The following PRKG2 variants were observed in gnomAD, a reference collection of about 807,000 sequenced individuals.
PRKG2 encodes the protein protein kinase cGMP-dependent 2, also known as cGMP-dependent protein kinase 2.
Under a neutral mutation model 97.2 loss-of-function variants are expected in PRKG2, and 33 were observed. The ratio of observed to expected loss-of-function variants is 0.34; its 90% CI spans 0.26 to 0.45. The LOEUF (loss-of-function observed/expected upper bound fraction) is 0.45. PRKG2 is among the 20% of genes least tolerant of loss of function. The probability of loss-of-function intolerance (pLI) is 1.00; values close to 1 mark genes in which losing one functional copy is unlikely to be tolerated. For synonymous variants in PRKG2, 330 were observed against 321.8 expected (o/e 1.03, Z -0.27); for missense variants, 638 against 900.0 (o/e 0.71, Z 3.73).
intron 11 of PRKG2, among the ~76,000 whole-genome samples, chr4:81,141,345 T>C (rs1182572347): frequency 6.6e-6 from 1 of 152,182 alleles, no homozygotes; most frequent in Non-Finnish European, 1.5e-5. Context: ...ATATGGTAAC[T>C]GCAAATCACA....
chr4:81,192,951 A>C (rs1752669800), intron 2 of PRKG2: 1 of 152,218 alleles, frequency 6.6e-6, no homozygotes, highest in African/African-American at 2.4e-5. Flanking sequence ...AACTTGGCAA[A>C]GTTCACCTAC....
chr4:81,095,737 T>C (rs1355443336), intron 17 of PRKG2, among the ~76,000 whole-genome samples: 1 of 152,228 alleles, frequency 6.6e-6, no homozygotes, highest in Non-Finnish European at 1.5e-5. Context: ...TGCTTCTTCA[T>C]TTCAGAAGAC....
chr4:81,183,656 C>T lies in PRKG2; in HGVS notation c.462-8697G>A, dbSNP rs555779392. On this transcript the variant is annotated intron_variant, in intron 2 of 18. Coordinates refer to ENST00000264399, the MANE Select transcript of PRKG2 (RefSeq NM_006259.3). Reference sequence around the variant, plus strand: ...CCAGAAAGACAGAATCGTTCACTCCCCTGAAAAGGGGGCTGAAGCCAGGGA... The same window carrying T: ...CCAGAAAGACAGAATCGTTCACTCCTCTGAAAAGGGGGCTGAAGCCAGGGA... Among the ~76,000 whole-genome samples the T allele has an allele frequency of 5.9e-5, 9 of 152,096 alleles. No individual in the cohort carries two copies. In the East Asian group the frequency reaches 9.7e-4, roughly 16 times the overall value.
At chr4:81,091,848 G>A (rs560013154) in intron 18 of PRKG2, among the ~76,000 whole-genome samples, 18 of 152,082 alleles carry the variant, frequency 1.2e-4, no homozygotes, top group Non-Finnish European at 2.2e-4. Context: ...TTAGCAACAC[G>A]AAGTGACTGA....
intron 2 of PRKG2, among the ~76,000 whole-genome samples, chr4:81,200,733 T>C (rs2110124966): frequency 6.6e-6 from 1 of 152,294 alleles, no homozygotes; most frequent in East Asian, 1.9e-4. Flanking sequence ...TCTGTAAGGT[T>C]CCTATGGCTC....
intron 12 of PRKG2, 82 bp downstream of exon 12, chr4:81,140,451 A>T (rs1747167721): frequency 8.0e-7 from 1 of 1,247,658 alleles, no homozygotes; most frequent in East Asian, 2.8e-5. Flanking sequence ...AAAATTAAAA[A>T]TAAAAATAAA....
chr4:81,146,195 G>A (rs1172130179), intron 9 of PRKG2, among the ~76,000 whole-genome samples: 1 of 152,142 alleles, frequency 6.6e-6, no homozygotes, highest in Non-Finnish European at 1.5e-5. Flanking sequence ...TAAACTAACT[G>A]CAGTATTACT....
intron 8 of PRKG2, among the ~76,000 whole-genome samples, chr4:81,150,020 A>T (rs1315813440): frequency 6.6e-6 from 1 of 152,072 alleles, no homozygotes; most frequent in Non-Finnish European, 1.5e-5. Flanking sequence ...CAGTGAAAAC[A>T]CTTCAGTTTC....
intron 2 of PRKG2, among the ~76,000 whole-genome samples, chr4:81,195,634 T>A (rs143725974): frequency 6.6e-6 from 1 of 152,204 alleles, no homozygotes; most frequent in East Asian, 1.9e-4. Context: ...ATAAATGGAA[T>A]CCTGCATTTG....
chr4:81,192,310 T>A (rs1390795056), intron 2 of PRKG2: 1 of 152,148 alleles, frequency 6.6e-6, no homozygotes, highest in South Asian at 2.1e-4. Flanking sequence ...GGGAAGATAA[T>A]GGGTAGAAAT....
At chr4:81,149,404 T>C (rs1465720243) in intron 8 of PRKG2, among the ~76,000 whole-genome samples, 1 of 152,188 alleles carries the variant, frequency 6.6e-6, no homozygotes, top group East Asian at 1.9e-4. Context: ...TTCAGTGCCA[T>C]ATCACCCAAT....
intron 2 of PRKG2, among the ~76,000 whole-genome samples, chr4:81,179,310 G>GA (rs1751206028): frequency 6.6e-6 from 1 of 151,394 alleles, no homozygotes; most frequent in Non-Finnish European, 1.5e-5. Context: ...AAAGCAGCTA[G>GA]AAAAAAAAGG....
chr4:81,102,585 A>G (rs1309765165), intron 17 of PRKG2, among the ~76,000 whole-genome samples: 1 of 152,190 alleles, frequency 6.6e-6, no homozygotes, highest in African/African-American at 2.4e-5. Flanking sequence ...AGCACAGAAC[A>G]TTAGAATAGT....
chr4:81,157,654 T>C (rs558086839), intron 6 of PRKG2, among the ~76,000 whole-genome samples: 90 of 152,164 alleles, frequency 5.9e-4, no homozygotes, highest in African/African-American at 2.1e-3. Flanking sequence ...CCAATATCCT[T>C]GAAGAACATT....
chr4:81,166,358 A>G (rs1043486486), intron 6 of PRKG2, among the ~76,000 whole-genome samples: 2 of 151,944 alleles, frequency 1.3e-5, no homozygotes, highest in Non-Finnish European at 2.9e-5. Context: ...CTTAAATTCT[A>G]TATGTGACTC....
At chr4:81,178,712 A>G (rs1578476718) in intron 2 of PRKG2, among the ~76,000 whole-genome samples, 1 of 152,010 alleles carries the variant, frequency 6.6e-6, no homozygotes, top group Admixed American at 6.6e-5. Flanking sequence ...AAAACTAAAA[A>G]TCAAAACATA....
chr4:81,115,739 A>G (rs1560548802), intron 14 of PRKG2, among the ~76,000 whole-genome samples: 1 of 152,220 alleles, frequency 6.6e-6, no homozygotes, highest in Non-Finnish European at 1.5e-5. Context: ...GGTCACAACT[A>G]ACCAGAAAGA....
intron 2 of PRKG2, among the ~76,000 whole-genome samples, chr4:81,189,095 A>AAAAAAAAAG (rs1752231830): frequency 8.8e-6 from 1 of 113,366 alleles, no homozygotes; most frequent in Admixed American, 8.2e-5. Context: ...AAAAAAAAGA[A>AAAAAAAAAG]GCTAGCAATT....
intron 15 of PRKG2, 47 bp from the exon 16 acceptor site, chr4:81,105,982 A>C: frequency 1.9e-6 from 3 of 1,564,920 alleles, no homozygotes; most frequent in Non-Finnish European, 2.6e-6. Context: ...ACAGGGTCTG[A>C]GATCACATTT....
Sources: gnomAD v4.1 joint callset for allele counts (sites outside exome capture counted in the v4.1 genomes callset) on GRCh38, gnomAD v4.1.1 for gene constraint, MANE v1.5 for transcripts, NCBI Gene and HGNC (gene_info 2026-07-23, HGNC 2026-07-21) for gene names.